FEZ2: variants seen among roughly 807,000 people sequenced by gnomAD.
FEZ2 encodes the protein fasciculation and elongation protein zeta 2, also known as fasciculation and elongation protein zeta-2.
Under a neutral mutation model 40.4 loss-of-function variants are expected in FEZ2, and 51 were observed. That is an observed-to-expected ratio of 1.26 (90% CI 1.01 to 1.59). The LOEUF (loss-of-function observed/expected upper bound fraction) is 1.59, where lower values mean the gene tolerates loss of function less well. FEZ2 is among the 40% of genes most tolerant of loss of function. The probability of loss-of-function intolerance (pLI) is 0.00; values close to 1 mark genes in which losing one functional copy is unlikely to be tolerated. For missense variants in FEZ2, 640 were observed against 438.3 expected (o/e 1.46, Z -4.11); for synonymous variants, 242 against 172.0 (o/e 1.41, Z -3.18).
Position 36,561,735 on chromosome 2 carries a change from G to C in FEZ2, c.904-3222C>G, listed in dbSNP as rs951791433. On this transcript the variant is annotated intron_variant, in intron 5 of 7. Transcript: ENST00000405912. ...TTAAGGGGAAAGGCTTCGTGAAAAG[G>C]AAGTGAAGGCCTGACTCACTTGATG... Among the ~76,000 whole-genome samples, 3 of 152,334 alleles carry C rather than the reference G, an allele frequency of 2.0e-5. No individual in the cohort carries two copies. In the East Asian group the frequency reaches 5.8e-4, roughly 29 times the overall value.
At position 36,579,004 on chromosome 2, in the gene FEZ2, A is replaced by C. The variant is rs943096605; in HGVS notation, c.635-139T>G. On this transcript the variant is annotated intron_variant, in intron 4 of 7. Coordinates refer to ENST00000405912, the MANE Select transcript of FEZ2 (RefSeq NM_005102.3). Reference sequence around the variant, plus strand: ...GCAAAAATCATATTCCAAGCAATTAAATTGACTGTGGGTGATCTTCTCAGA... The same window carrying C: ...GCAAAAATCATATTCCAAGCAATTACATTGACTGTGGGTGATCTTCTCAGA... 7.2e-6 allele frequency: 5 copies of C among 690,826 alleles called. No individual in the cohort carries two copies. In the African/African-American group the frequency reaches 9.0e-5, roughly 12 times the overall value. The allele number at this position is 690,826 out of a possible 1,614,324, so 42.8% of individuals were successfully genotyped here.
At chr2:36,565,315 C>G (rs962538025) in intron 5 of FEZ2, among the ~76,000 whole-genome samples, 4 of 152,168 alleles carry the variant, frequency 2.6e-5, no homozygotes, top group Non-Finnish European at 5.9e-5. Flanking sequence ...CAGACAAACC[C>G]AAACATGTAA....
chr2:36,579,164 C>A (rs1166575512), intron 4 of FEZ2: 3 of 308,494 alleles, frequency 9.7e-6, no homozygotes, highest in Non-Finnish European at 1.8e-5. Context: ...ATACTTCAGT[C>A]AAGACTGTGA....
intron 5 of FEZ2, among the ~76,000 whole-genome samples, chr2:36,565,677 G>C (rs72868447): frequency 0.057 from 8,600 of 152,194 alleles, 796 homozygotes; most frequent in East Asian, 0.41. Context: ...ACAGAACAGA[G>C]CCAGGCTCAG....
intron 5 of FEZ2, chr2:36,561,582 T>C (rs893882275): frequency 3.3e-5 from 5 of 152,202 alleles, no homozygotes; most frequent in Non-Finnish European, 7.3e-5. Context: ...GGGAGTATTT[T>C]TTTCCTAAAC....
chr2:36,556,104 A>T lies in FEZ2; in HGVS notation c.980-356T>A, dbSNP rs547166563. ...GTGGGTTACTATAATGTGCACCTCAATGAACTCTGTGCAGCAAGAAAACCT... is the reference window on the plus strand; with the variant it reads ...GTGGGTTACTATAATGTGCACCTCATTGAACTCTGTGCAGCAAGAAAACCT... On this transcript the variant is annotated intron_variant, in intron 6 of 7. Transcript: ENST00000405912. 6.0e-4 allele frequency: 281 copies of T among 468,582 alleles called. 1 individual carries two copies. Among genetic ancestry groups the T allele is most frequent in the Non-Finnish European group, 8.9e-4 (206 of 231,296 alleles). 29.0% of individuals were successfully genotyped at this position (468,582 alleles called of 1,614,324 possible).
At chr2:36,582,040 C>A (rs1668765394) in intron 3 of FEZ2, among the ~76,000 whole-genome samples, 1 of 151,964 alleles carries the variant, frequency 6.6e-6, no homozygotes, top group South Asian at 2.1e-4. Context: ...CTGTGAAAAG[C>A]AGAAAAACTT....
intron 5 of FEZ2, among the ~76,000 whole-genome samples, chr2:36,575,815 A>G (rs922262272): frequency 2.6e-5 from 4 of 152,194 alleles, no homozygotes; most frequent in African/African-American, 9.6e-5. Flanking sequence ...TCTTTGGACC[A>G]AAGAGAACAA....
chr2:36,581,530 C>A, intron 3 of FEZ2, 99 bp from the exon 4 acceptor site: 1 of 1,004,776 alleles, frequency 1.0e-6, no homozygotes, highest in Non-Finnish European at 1.5e-6. Context: ...CAGAAATGCA[C>A]TGAATTCTCC....
At chr2:36,562,038 T>C (rs1668106851) in intron 5 of FEZ2, among the ~76,000 whole-genome samples, 2 of 152,224 alleles carry the variant, frequency 1.3e-5, no homozygotes, top group Admixed American at 1.3e-4. Flanking sequence ...TTGTCTTTTT[T>C]ACTCTCATTC....
At chr2:36,557,345 G>T (rs143609364) in intron 6 of FEZ2, 1 of 152,064 alleles carries the variant, frequency 6.6e-6, no homozygotes, top group Non-Finnish European at 1.5e-5. Context: ...GGCATCACTT[G>T]ATTTATCCAT....
intron 5 of FEZ2, among the ~76,000 whole-genome samples, chr2:36,575,514 A>G (rs1215842982): frequency 6.6e-6 from 1 of 152,002 alleles, no homozygotes; most frequent in East Asian, 1.9e-4. Context: ...CTGCCACAGG[A>G]AAGCACTCCA....
At chr2:36,558,350 A>C (rs1371743745) in intron 6 of FEZ2, 88 bp downstream of exon 6, 6 of 752,658 alleles carry the variant, frequency 8.0e-6, no homozygotes, top group Non-Finnish European at 1.3e-5. Context: ...CTGACAAAAC[A>C]CTAACAACAA....
At chr2:36,597,272 C>G (rs891636281) in intron 1 of FEZ2, among the ~76,000 whole-genome samples, 1 of 152,192 alleles carries the variant, frequency 6.6e-6, no homozygotes, top group East Asian at 1.9e-4. Context: ...CACTCCCACT[C>G]ATCAGTCAGA....
intron 5 of FEZ2, among the ~76,000 whole-genome samples, chr2:36,559,709 GA>G (rs1484505493): frequency 5.3e-5 from 8 of 152,338 alleles, no homozygotes; most frequent in African/African-American, 1.7e-4. Flanking sequence ...AGGCAACCTG[GA>G]GAGGCACCAG....
intron 1 of FEZ2, among the ~76,000 whole-genome samples, 187 bp downstream of exon 1, chr2:36,597,690 C>CG (rs1156930954): frequency 6.6e-5 from 10 of 151,972 alleles, no homozygotes; most frequent in Admixed American, 2.6e-4. Context: ...CTCGTGGCGG[C>CG]GGGGGGCAGG....
chr2:36,568,579 G>C lies in FEZ2; in HGVS notation c.903+10018C>G, dbSNP rs79164872. ...TCATCCATTTCCCACTACGTCTTTAGGAAGGAGTTAATAGTGCTATAAAAT... is the reference window on the plus strand; with the variant it reads ...TCATCCATTTCCCACTACGTCTTTACGAAGGAGTTAATAGTGCTATAAAAT... On this transcript the variant is annotated intron_variant, in intron 5 of 7. Coordinates refer to ENST00000405912, the MANE Select transcript of FEZ2 (RefSeq NM_005102.3). 9.4e-3 allele frequency among the ~76,000 whole-genome samples: 1,427 copies of C among 152,264 alleles called. 15 individuals carry two copies. The highest frequency in any genetic ancestry group is 0.033 in the African/African-American group (1,368 of 41,528).
intron 5 of FEZ2, among the ~76,000 whole-genome samples, chr2:36,575,985 A>G (rs1351624023): frequency 6.6e-6 from 1 of 152,212 alleles, no homozygotes; most frequent in Non-Finnish European, 1.5e-5. Context: ...AAAAAAAGTG[A>G]CTTATGTTAT....
intron 5 of FEZ2, among the ~76,000 whole-genome samples, chr2:36,575,227 G>A (rs1432325350): frequency 6.6e-6 from 1 of 152,144 alleles, no homozygotes; most frequent in East Asian, 1.9e-4. Context: ...AGACAAGGTC[G>A]GGCTGTAAGT....
Sources: gnomAD v4.1 joint callset for allele counts (sites outside exome capture counted in the v4.1 genomes callset) on GRCh38, gnomAD v4.1.1 for gene constraint, MANE v1.5 for transcripts, NCBI Gene and HGNC (gene_info 2026-07-23, HGNC 2026-07-21) for gene names.